Variants in SH3RF3 observed in about 807,000 individuals in gnomAD.
The protein encoded by SH3RF3 is SH3 domain containing ring finger 3.
In SH3RF3, 29 loss-of-function variants were observed where a neutral mutation model predicts 66.3. That is an observed-to-expected ratio of 0.44 (90% CI 0.33 to 0.60). SH3RF3 has a LOEUF of 0.60. SH3RF3 is among the 20% of genes least tolerant of loss of function. SH3RF3 has a pLI of 0.04. For missense variants in SH3RF3, 1,194 were observed against 1,190.9 expected (o/e 1.00, Z -0.04); for synonymous variants, 583 against 532.0 (o/e 1.10, Z -1.32).
chr2:109,356,594 A>G (rs988688277), intron 2 of SH3RF3, among the ~76,000 whole-genome samples: 1 of 152,202 alleles, frequency 6.6e-6, no homozygotes. Flanking sequence ...TTCCTCAGCC[A>G]AAGGCCCATC....
intron 1 of SH3RF3, among the ~76,000 whole-genome samples, chr2:109,167,508 A>G (rs1677657527): frequency 3.9e-5 from 6 of 152,122 alleles, no homozygotes; most frequent in Admixed American, 3.9e-4. Flanking sequence ...TTTACATTGT[A>G]TTTCCCCAGT....
chr2:109,427,856 G>A (rs113945011), intron 5 of SH3RF3, among the ~76,000 whole-genome samples: 404 of 152,364 alleles, frequency 2.7e-3, no homozygotes, highest in African/African-American at 9.2e-3. Context: ...GGGAAGAGGC[G>A]AAGGCAGCAG....
chr2:109,302,279 T>TC (rs200142085), intron 1 of SH3RF3, among the ~76,000 whole-genome samples: 159 of 152,040 alleles, frequency 1.0e-3, no homozygotes, highest in Middle Eastern at 6.8e-3. Flanking sequence ...GGGGCATTTT[T>TC]TTGTGACTGT....
intron 4 of SH3RF3, among the ~76,000 whole-genome samples, chr2:109,414,956 T>C (rs934597810): frequency 6.6e-6 from 1 of 152,136 alleles, no homozygotes; most frequent in Non-Finnish European, 1.5e-5. Flanking sequence ...GACCCTGAGA[T>C]GGAGATGCTC....
intron 4 of SH3RF3, among the ~76,000 whole-genome samples, chr2:109,417,433 G>A (rs1408993293): frequency 6.6e-6 from 1 of 152,102 alleles, no homozygotes; most frequent in East Asian, 1.9e-4. Context: ...GAAGACCCTG[G>A]AATCCATCCG....
At position 109,369,181 on chromosome 2, in the gene SH3RF3, T is replaced by TAA. The variant is rs748661837; in HGVS notation, c.850-2389_850-2388dup. ...AACATGGTGAAACCCCGTCTCTTCT[T>TAA]AAAAAAAAAAAAAAAAATTAGCCGG... On this transcript the variant is annotated intron_variant, in intron 2 of 9. Transcript: ENST00000309415. Among the ~76,000 whole-genome samples, 41 of 138,260 alleles carry TAA rather than the reference T, an allele frequency of 3.0e-4. 1 individual carries two copies. Among genetic ancestry groups the TAA allele is most frequent in the Admixed American group, 2.3e-3 (32 of 13,884 alleles). The allele number at this position is 138,260 out of a possible 152,430, so 90.7% of individuals were successfully genotyped here.
At chr2:109,251,657 C>T in intron 1 of SH3RF3, 7 of 1,370,220 alleles carry the variant, frequency 5.1e-6, no homozygotes, top group Non-Finnish European at 7.3e-6. Context: ...TAAATAATGG[C>T]TGTTCAGCAG....
intron 8 of SH3RF3, among the ~76,000 whole-genome samples, chr2:109,450,836 C>G (rs1559090334): frequency 6.6e-6 from 1 of 152,228 alleles, no homozygotes; most frequent in Non-Finnish European, 1.5e-5. Context: ...GGATTGTTCT[C>G]TCTTGGCTTG....
At chr2:109,466,799 A>G (rs1249449789) in intron 8 of SH3RF3, among the ~76,000 whole-genome samples, 3 of 151,692 alleles carry the variant, frequency 2.0e-5, no homozygotes, top group Admixed American at 1.3e-4. Context: ...GTGTGTATCT[A>G]TATGTGTGTA....
chr2:109,255,226 C>T (rs1329843253), intron 1 of SH3RF3, among the ~76,000 whole-genome samples: 3 of 152,116 alleles, frequency 2.0e-5, no homozygotes, highest in Non-Finnish European at 2.9e-5. Flanking sequence ...GTTGGGGCTT[C>T]GGAATAGTGC....
At chr2:109,381,088 A>G (rs1675639996) in intron 3 of SH3RF3, among the ~76,000 whole-genome samples, 1 of 152,222 alleles carries the variant, frequency 6.6e-6, no homozygotes, top group South Asian at 2.1e-4. Context: ...GTGGTCTACC[A>G]CTTGCTGAGT....
intron 8 of SH3RF3, 145 bp from the exon 9 acceptor site, chr2:109,490,460 G>A: frequency 1.5e-6 from 1 of 678,484 alleles, no homozygotes; most frequent in South Asian, 3.7e-5. Context: ...TACTGCTGTT[G>A]CTGTGAGTGG....
At chr2:109,443,015 G>A (rs116639128) in intron 7 of SH3RF3, among the ~76,000 whole-genome samples, 2,500 of 152,244 alleles carry the variant, frequency 0.016, 66 homozygotes, top group African/African-American at 0.056. Context: ...AAAAGTGAAG[G>A]GATGGAACAA....
intron 1 of SH3RF3, among the ~76,000 whole-genome samples, chr2:109,253,097 A>C (rs929001789): frequency 4.6e-5 from 7 of 151,864 alleles, no homozygotes; most frequent in African/African-American, 1.7e-4. Context: ...GTGCGATCTC[A>C]GGTCACTGCA....
chr2:109,420,416 G>C (rs1676841437), intron 5 of SH3RF3, among the ~76,000 whole-genome samples: 1 of 152,076 alleles, frequency 6.6e-6, no homozygotes, highest in African/African-American at 2.4e-5. Flanking sequence ...TACAGAACAG[G>C]ATTTTTTGTT....
intron 8 of SH3RF3, among the ~76,000 whole-genome samples, chr2:109,476,382 G>A (rs1005312496): frequency 1.3e-5 from 2 of 152,150 alleles, no homozygotes; most frequent in South Asian, 4.1e-4. Context: ...GTAGCCCCTG[G>A]GTGAGGTACT....
At chr2:109,398,474 C>T (rs558032761) in intron 3 of SH3RF3, 116 bp from the exon 4 acceptor site, 211 of 932,976 alleles carry the variant, frequency 2.3e-4, no homozygotes, top group Admixed American at 4.0e-4. Context: ...TGCAGTCTGA[C>T]GGATTTGAAT....
At chr2:109,437,575 G>A (rs577879829) in intron 7 of SH3RF3, among the ~76,000 whole-genome samples, 14 of 152,114 alleles carry the variant, frequency 9.2e-5, no homozygotes, top group East Asian at 3.9e-4. Flanking sequence ...TCCATCTGCC[G>A]GGCCCTGCAG....
intron 5 of SH3RF3, among the ~76,000 whole-genome samples, chr2:109,421,920 G>A (rs1307392686): frequency 2.0e-5 from 3 of 152,206 alleles, no homozygotes; most frequent in Non-Finnish European, 4.4e-5. Context: ...ACAGCAGTAT[G>A]CATGATGCAT....
Sources: gnomAD v4.1 joint callset for allele counts (sites outside exome capture counted in the v4.1 genomes callset) on GRCh38, gnomAD v4.1.1 for gene constraint, MANE v1.5 for transcripts, NCBI Gene and HGNC (gene_info 2026-07-23, HGNC 2026-07-21) for gene names.